The following ZNF732 variants were observed in gnomAD, a reference collection of about 807,000 sequenced individuals.
ZNF732 encodes zinc finger protein 732.
Under a neutral mutation model 11.5 loss-of-function variants are expected in ZNF732, and 12 were observed. The ratio of observed to expected loss-of-function variants is 1.05; its 90% confidence interval spans 0.67 to 1.70. ZNF732 has a LOEUF of 1.70. ZNF732 is among the 40% of genes most tolerant of loss of function. The pLI, the probability that ZNF732 is intolerant of heterozygous loss-of-function variation, is 0.00. For synonymous variants in ZNF732, 231 were observed against 236.5 expected (o/e 0.98, Z 0.21); for missense variants, 702 against 676.9 (o/e 1.04, Z -0.41).
Position 271,126 on chromosome 4 carries a change from A to T in ZNF732, c.1731T>A (p.Asn577Lys). Residue 577 changes from asparagine (N) to lysine (K), a missense_variant, in exon 4 of 4, where the codon AAT (asparagine) becomes AAA (lysine). Transcript: ENST00000419098. The part of the protein sequence containing the change: ...FKWSSYLNQH[N>K]KIYTGEKL ...AGAGTTTCTCTCCAGTATAAATTTT[A>T]TTATGTTGATTAAGGTATGAGGACC... 4.6e-6 allele frequency: 7 copies of T among 1,514,408 alleles called. No homozygotes were observed. Among genetic ancestry groups the T allele is most frequent in the Non-Finnish European group, 6.2e-6 (7 of 1,133,518 alleles). 93.8% of individuals were successfully genotyped at this position (1,514,408 alleles called of 1,614,324 possible).
intron 3 of ZNF732, among the ~76,000 whole-genome samples, chr4:274,252 G>C (rs759478169): frequency 6.6e-6 from 1 of 151,634 alleles, no homozygotes; most frequent in East Asian, 1.9e-4. Flanking sequence ...CAATAATGAA[G>C]TTGAGGGCAG....
chr4:280,703 G>A (rs114234114), intron 3 of ZNF732, among the ~76,000 whole-genome samples: 2,220 of 152,342 alleles, frequency 0.015, 64 homozygotes, highest in African/African-American at 0.051. Flanking sequence ...GCCCTTGCTT[G>A]AGTGGCATGC....
In ZNF732 at chr4:272,510, C is replaced by T; in HGVS notation, c.347G>A (p.Ser116Asn). 6.2e-7 allele frequency: 1 copy of T among 1,601,932 alleles called. No individual in the cohort carries two copies. Among genetic ancestry groups the T allele is most frequent in the Admixed American group, 1.7e-5 (1 of 57,626 alleles). ...CGHENLELRK[S>N]CKRKVQKGGY... ...TCCTTTCTGCACCTTCCTTTTACAGCTTTTTCTTAATTCTAAATTCTCATG... is the reference window on the plus strand; with the variant it reads ...TCCTTTCTGCACCTTCCTTTTACAGTTTTTTCTTAATTCTAAATTCTCATG... The change falls in exon 4 of 4, where the codon AGC (serine) becomes AAC (asparagine). Residue 116 changes from serine (S) to asparagine (N), a missense_variant. Physicochemically the swap from Ser to Asn is conservative, Grantham distance 46. Around this residue, in one of 3 missense-constraint regions of ZNF732, gnomAD observed 596 missense variants for 557.9 expected, o/e 1.07. Coordinates refer to ENST00000419098, the MANE Select transcript of ZNF732 (RefSeq NM_001137608.3).
In ZNF732 at chr4:305,298, C is replaced by CG. The variant is rs782741196; in HGVS notation, c.3+9_3+10insC. 8.1e-6 allele frequency: 13 copies of CG among 1,607,258 alleles called. No homozygotes were observed. The East Asian group carries it at 1.1e-4, about 14-fold the overall frequency. On this transcript the variant is annotated intron_variant, in intron 1 of 3. Transcript: ENST00000419098. ...TCCCCAGCCTTGGGACGCCCTGCCCCCACACTCACCATTTCCCCACTTCAG... is the reference window on the plus strand; with the variant it reads ...TCCCCAGCCTTGGGACGCCCTGCCCCGCACACTCACCATTTCCCCACTTCAG...
At chr4:275,287 A>G (rs1553838499) in intron 3 of ZNF732, among the ~76,000 whole-genome samples, 1 of 151,758 alleles carries the variant, frequency 6.6e-6, no homozygotes, top group Non-Finnish European at 1.5e-5. Context: ...ACACTTAAGC[A>G]TGCTCTTGTT....
chr4:295,662 G>A, intron 2 of ZNF732, 129 bp from the exon 3 acceptor site: 1 of 838,946 alleles, frequency 1.2e-6, no homozygotes, highest in East Asian at 2.8e-5. Context: ...TTTCCTGGCA[G>A]AATCTTTAAA....
chr4:287,399 G>A (rs1432599823), intron 3 of ZNF732, among the ~76,000 whole-genome samples: 1 of 151,076 alleles, frequency 6.6e-6, no homozygotes, highest in Non-Finnish European at 1.5e-5. Flanking sequence ...ATTTTTAGTA[G>A]AGACGGGGTT....
intron 1 of ZNF732, among the ~76,000 whole-genome samples, chr4:302,708 T>C (rs1157738491): frequency 1.3e-5 from 2 of 152,220 alleles, no homozygotes; most frequent in African/African-American, 4.8e-5. Flanking sequence ...AATGACTTAT[T>C]TAACTGACAA....
At chr4:300,346 C>T (rs1720088839) in intron 1 of ZNF732, among the ~76,000 whole-genome samples, 1 of 150,692 alleles carries the variant, frequency 6.6e-6, no homozygotes, top group African/African-American at 2.4e-5. Flanking sequence ...GCCTGTAGTC[C>T]CAGCTACTCA....
intron 3 of ZNF732, among the ~76,000 whole-genome samples, chr4:277,945 CTATT>C (rs1222475661): frequency 6.6e-6 from 1 of 152,136 alleles, no homozygotes; most frequent in Non-Finnish European, 1.5e-5. Context: ...TATTAAAACA[CTATT>C]TATAGCCAAG....
intron 1 of ZNF732, among the ~76,000 whole-genome samples, chr4:302,493 T>G (rs782306513): frequency 2.0e-5 from 3 of 152,170 alleles, no homozygotes; most frequent in Non-Finnish European, 4.4e-5. Context: ...CTGGGTTTTC[T>G]AATTGGTAAT....
intron 3 of ZNF732, among the ~76,000 whole-genome samples, chr4:279,998 C>G (rs1481956770): frequency 6.6e-6 from 1 of 151,868 alleles, no homozygotes; most frequent in Non-Finnish European, 1.5e-5. Flanking sequence ...CAAGTGAAAC[C>G]CAATGATTTT....
intron 3 of ZNF732, among the ~76,000 whole-genome samples, chr4:292,195 A>C (rs73791819): frequency 0.061 from 9,225 of 152,308 alleles, 469 homozygotes; most frequent in African/African-American, 0.14. Context: ...CAACAAAAGA[A>C]AACACAAGTG....
intron 3 of ZNF732, among the ~76,000 whole-genome samples, chr4:293,249 T>C (rs1413499015): frequency 5.4e-5 from 8 of 147,528 alleles, no homozygotes; most frequent in Non-Finnish European, 1.0e-4. Context: ...TGTGTGTATA[T>C]ATATATACAC....
chr4:299,463 A>ATG (rs1293384414), intron 1 of ZNF732, among the ~76,000 whole-genome samples: 3 of 60,194 alleles, frequency 5.0e-5, no homozygotes, highest in Non-Finnish European at 9.3e-5. Flanking sequence ...ACATATGTGT[A>ATG]TATATATATA....
intron 3 of ZNF732, among the ~76,000 whole-genome samples, chr4:283,300 T>C (rs1449953269): frequency 2.0e-5 from 3 of 152,076 alleles, no homozygotes; most frequent in African/African-American, 7.2e-5. Flanking sequence ...TTGTTATTGA[T>C]GCAAAAAATA....
intron 1 of ZNF732, among the ~76,000 whole-genome samples, chr4:303,072 T>C (rs1298192715): frequency 4.6e-5 from 7 of 152,178 alleles, no homozygotes; most frequent in Admixed American, 1.3e-4. Context: ...TATCCACAGT[T>C]CCCAGGAATT....
chr4:302,732 A>G (rs1365037352), intron 1 of ZNF732, among the ~76,000 whole-genome samples: 1 of 152,234 alleles, frequency 6.6e-6, no homozygotes, highest in Non-Finnish European at 1.5e-5. Flanking sequence ...TGACATATAA[A>G]TTTTAAAGAA....
At chr4:297,126 G>A (rs1335003156) in intron 1 of ZNF732, among the ~76,000 whole-genome samples, 5 of 152,134 alleles carry the variant, frequency 3.3e-5, no homozygotes, top group African/African-American at 1.2e-4. Context: ...AAATTAACCA[G>A]GCATAGTGGC....
Sources: allele counts gnomAD v4.1 joint callset (sites outside exome capture counted in the v4.1 genomes callset), GRCh38; gene constraint gnomAD v4.1.1; regional missense constraint gnomAD v4.1.1; transcripts MANE v1.5; gene names NCBI Gene and HGNC (gene_info 2026-07-23, HGNC 2026-07-21).